The following EPHA6 variants were observed in gnomAD, a reference collection of about 807,000 sequenced individuals.
EPHA6 encodes the protein ephrin type-A receptor 6.
EPHA6 carries 50 observed loss-of-function variants against 112.0 expected under a neutral mutation model. The ratio of observed to expected loss-of-function variants is 0.45; its 90% CI spans 0.36 to 0.56. EPHA6 has a LOEUF of 0.56. Among genes scored for constraint, EPHA6 ranks in the 20% least tolerant of loss-of-function variants. The pLI is 0.00. For missense variants in EPHA6, 1,280 were observed against 1,417.4 expected (o/e 0.90, Z 1.56); for synonymous variants, 529 against 490.7 (o/e 1.08, Z -1.03).
chr3:97,229,965 T>C lies in EPHA6; in HGVS notation c.1270+3546T>C, dbSNP rs2078476146. On this transcript the variant is annotated intron_variant, in intron 4 of 17. Coordinates refer to ENST00000389672, the MANE Select transcript of EPHA6 (RefSeq NM_001080448.3). ...ATAATTTCTCACTTATGGAAAAAAG[T>C]TTTTAGCAGACAAATCTTCCTATTA... Among the ~76,000 whole-genome samples the C allele has an allele frequency of 2.0e-5, 3 of 152,012 alleles. No individual in the cohort carries two copies. In the South Asian group the frequency reaches 6.2e-4, roughly 32 times the overall value.
At chr3:97,428,233 T>G (rs1429825093) in intron 6 of EPHA6, among the ~76,000 whole-genome samples, 1 of 152,166 alleles carries the variant, frequency 6.6e-6, no homozygotes, top group African/African-American at 2.4e-5. Context: ...ATTATTTATG[T>G]AGCTTTAAGG....
rs185929577 is a variant in EPHA6, at chr3:97,635,766, C to G, written c.2575-2107C>G. Among the ~76,000 whole-genome samples the G allele has an allele frequency of 4.1e-3, 621 of 152,072 alleles. 2 individuals are homozygous for G. Among genetic ancestry groups the G allele is most frequent in the African/African-American group, 0.014 (574 of 41,486 alleles). On this transcript the variant is annotated intron_variant, in intron 13 of 17. Transcript: ENST00000389672. Reference sequence around the variant, plus strand: ...CAACTCCGTGAATAAGGTAAAAACTCAATTGTATACTTTAAAAGATACATT... The same window carrying G: ...CAACTCCGTGAATAAGGTAAAAACTGAATTGTATACTTTAAAAGATACATT...
At chr3:96,845,605 T>C (rs1474995700) in intron 1 of EPHA6, among the ~76,000 whole-genome samples, 1 of 152,076 alleles carries the variant, frequency 6.6e-6, no homozygotes, top group Non-Finnish European at 1.5e-5. Context: ...ATTTAAATGA[T>C]GTATTTTTAA....
At chr3:97,179,775 A>G (rs1332635479) in intron 3 of EPHA6, among the ~76,000 whole-genome samples, 7 of 140,864 alleles carry the variant, frequency 5.0e-5, no homozygotes, top group African/African-American at 2.1e-4. Context: ...AACCACTTAA[A>G]GCTGGAGGTG....
At chr3:97,504,320 G>T (rs898975685) in intron 10 of EPHA6, among the ~76,000 whole-genome samples, 35 of 152,134 alleles carry the variant, frequency 2.3e-4, no homozygotes, top group Middle Eastern at 3.2e-3. Flanking sequence ...AGAGAAGAAA[G>T]AGCTCTGCAG....
intron 3 of EPHA6, among the ~76,000 whole-genome samples, chr3:97,103,079 G>T (rs2047452236): frequency 6.6e-6 from 1 of 152,074 alleles, no homozygotes. Flanking sequence ...TCTGTAGGTT[G>T]TCTGTTTACT....
intron 5 of EPHA6, among the ~76,000 whole-genome samples, chr3:97,289,696 A>T (rs933530032): frequency 3.9e-5 from 6 of 152,150 alleles, no homozygotes; most frequent in African/African-American, 1.4e-4. Context: ...ATCCATGAGC[A>T]TGGAATCTCT....
intron 5 of EPHA6, among the ~76,000 whole-genome samples, chr3:97,297,326 T>C (rs953410505): frequency 6.6e-6 from 1 of 152,226 alleles, no homozygotes; most frequent in African/African-American, 2.4e-5. Flanking sequence ...AAATGCACTA[T>C]TTTAAGCATG....
At chr3:97,720,438 AT>A in intron 15 of EPHA6, 28 bp downstream of exon 15, 1 of 1,564,824 alleles carries the variant, frequency 6.4e-7, no homozygotes, top group Non-Finnish European at 8.6e-7. Context: ...TTAAACTGCC[AT>A]TTTGTGAATG....
chr3:96,818,534 G>T (rs554411095), intron 1 of EPHA6, among the ~76,000 whole-genome samples: 1 of 151,792 alleles, frequency 6.6e-6, no homozygotes, highest in Non-Finnish European at 1.5e-5. Flanking sequence ...TAATTTGAGC[G>T]AATCAACTGC....
chr3:96,882,958 T>A (rs2037412856), intron 2 of EPHA6, among the ~76,000 whole-genome samples: 1 of 152,212 alleles, frequency 6.6e-6, no homozygotes, highest in African/African-American at 2.4e-5. Flanking sequence ...GTGGGATTGC[T>A]GGATCAAATG....
At chr3:97,313,846 T>A (rs574036565) in intron 5 of EPHA6, among the ~76,000 whole-genome samples, 1 of 151,652 alleles carries the variant, frequency 6.6e-6, no homozygotes, top group Non-Finnish European at 1.5e-5. Context: ...ACTCTATTCG[T>A]TATTTCCTTT....
At chr3:97,094,460 G>A (rs2047176158) in intron 3 of EPHA6, among the ~76,000 whole-genome samples, 1 of 152,066 alleles carries the variant, frequency 6.6e-6, no homozygotes, top group South Asian at 2.1e-4. Flanking sequence ...GGAAGAACAA[G>A]CAAGCAACAA....
At position 97,758,968 on chromosome 3, in the gene EPHA6, A is replaced by G. The variant is rs1174287203; in HGVS notation, c.*10267A>G. Among the ~76,000 whole-genome samples the G allele has an allele frequency of 1.3e-5, 2 of 152,018 alleles. No homozygotes were observed. The highest frequency in any genetic ancestry group is 2.4e-5 in the African/African-American group (1 of 41,446). ...AAAACGTGGTGGATTCACTACTTCA[A>G]GATTTGGAAGGCATCAGTATATATA... On this transcript the variant is annotated 3_prime_UTR_variant, in exon 18 of 18. Transcript: ENST00000389672.
chr3:97,476,722 C>T (rs994002268), intron 8 of EPHA6, among the ~76,000 whole-genome samples: 5 of 152,036 alleles, frequency 3.3e-5, no homozygotes, highest in African/African-American at 4.8e-5. Flanking sequence ...TGTAACAAAC[C>T]TCCTTTTATA....
At chr3:97,421,326 G>T (rs542955494) in intron 6 of EPHA6, among the ~76,000 whole-genome samples, 28 of 152,110 alleles carry the variant, frequency 1.8e-4, no homozygotes, top group Non-Finnish European at 2.9e-4. Context: ...AAGGTGTCTC[G>T]CTCTGCAAAT....
chr3:96,834,844 C>T (rs992592414), intron 1 of EPHA6, among the ~76,000 whole-genome samples: 6 of 151,732 alleles, frequency 4.0e-5, no homozygotes, highest in African/African-American at 9.7e-5. Flanking sequence ...AATTATCTAT[C>T]GAATAGCAAA....
intron 10 of EPHA6, among the ~76,000 whole-genome samples, chr3:97,532,067 C>T (rs1296473607): frequency 6.6e-6 from 1 of 152,060 alleles, no homozygotes; most frequent in Admixed American, 6.6e-5. Flanking sequence ...TATAGAATTA[C>T]ATTAGCATTA....
chr3:96,983,105 C>G (rs1430607194), intron 2 of EPHA6, among the ~76,000 whole-genome samples: 1 of 152,102 alleles, frequency 6.6e-6, no homozygotes, highest in African/African-American at 2.4e-5. Flanking sequence ...ATGATGTTAA[C>G]TGGTTATTTT....
Sources: gnomAD v4.1 joint callset for allele counts (sites outside exome capture counted in the v4.1 genomes callset) on GRCh38, gnomAD v4.1.1 for gene constraint, MANE v1.5 for transcripts, NCBI Gene and HGNC (gene_info 2026-07-23, HGNC 2026-07-21) for gene names.